Variants in ADAMTSL1 observed in about 807,000 individuals in gnomAD.
ADAMTSL1 encodes ADAMTS-like protein 1.
In ADAMTSL1, 126 loss-of-function variants were observed where a neutral mutation model predicts 201.8. That is an observed-to-expected ratio of 0.62 (90% CI 0.54 to 0.72). ADAMTSL1 has a LOEUF of 0.72. Ranked by LOEUF, ADAMTSL1 falls within the 30% of genes least tolerant of loss-of-function variation. The pLI is 0.00. For missense variants in ADAMTSL1, 2,679 were observed against 2,277.8 expected (o/e 1.18, Z -3.59); for synonymous variants, 1,121 against 903.4 (o/e 1.24, Z -4.32).
At chr9:18,445,220 C>T (rs1178699565) in intron 2 of ADAMTSL1, among the ~76,000 whole-genome samples, 5 of 152,118 alleles carry the variant, frequency 3.3e-5, no homozygotes, top group South Asian at 2.1e-4. Context: ...GTTTTGCCAC[C>T]GCTAAAAGTA....
At position 18,082,617 on chromosome 9, in the gene ADAMTSL1, G is replaced by T. The variant is rs537284747; in HGVS notation, c.88-81245G>T. On this transcript the variant is annotated intron_variant, in intron 1 of 29. Coordinates refer to the ADAMTSL1 transcript ENST00000680146. ...CTCCTCTTCAAGCCTCCCCAGACCAGATGGCTCCAGCGCTGTCCATGAATC... is the reference window on the plus strand; with the variant it reads ...CTCCTCTTCAAGCCTCCCCAGACCATATGGCTCCAGCGCTGTCCATGAATC... Among the ~76,000 whole-genome samples the T allele has an allele frequency of 4.6e-5, 7 of 152,274 alleles. No homozygotes were observed. The South Asian group carries it at 1.5e-3, about 32-fold the overall frequency.
chr9:18,346,154 T>G (rs1835704178), intron 2 of ADAMTSL1, among the ~76,000 whole-genome samples: 1 of 152,170 alleles, frequency 6.6e-6, no homozygotes, highest in African/African-American at 2.4e-5. Context: ...CACATTGATC[T>G]TAGTACTTTA....
chr9:18,780,006 C>T (rs16937061), intron 19 of ADAMTSL1, among the ~76,000 whole-genome samples: 5,522 of 152,268 alleles, frequency 0.036, 280 homozygotes, highest in African/African-American at 0.11. Flanking sequence ...AGCTGTGGAA[C>T]GAGACAGGGC....
intron 23 of ADAMTSL1, among the ~76,000 whole-genome samples, chr9:18,867,553 C>A (rs1444628097): frequency 6.6e-6 from 1 of 152,170 alleles, no homozygotes; most frequent in Non-Finnish European, 1.5e-5. Context: ...ATTCTTATTT[C>A]ATTTGTACTT....
At chr9:18,754,566 A>T (rs1819636524) in intron 16 of ADAMTSL1, among the ~76,000 whole-genome samples, 1 of 152,192 alleles carries the variant, frequency 6.6e-6, no homozygotes, top group Admixed American at 6.5e-5. Context: ...AAAAGGAGAG[A>T]GGACGACAGC....
intron 19 of ADAMTSL1, among the ~76,000 whole-genome samples, chr9:18,781,427 A>T (rs1301125335): frequency 2.0e-5 from 3 of 152,116 alleles, no homozygotes; most frequent in Non-Finnish European, 2.9e-5. Context: ...TGACATCACA[A>T]TTTTTCCATT....
At chr9:17,974,733 A>G (rs1818369087) in intron 1 of ADAMTSL1, among the ~76,000 whole-genome samples, 1 of 152,022 alleles carries the variant, frequency 6.6e-6, no homozygotes, top group African/African-American at 2.4e-5. Flanking sequence ...TTCATGATAT[A>G]TATGTGTGTA....
chr9:18,372,342 C>T (rs1459637702), intron 2 of ADAMTSL1, among the ~76,000 whole-genome samples: 5 of 152,154 alleles, frequency 3.3e-5, no homozygotes, highest in Admixed American at 3.3e-4. Flanking sequence ...TAATCGCATG[C>T]CGTGACTGGG....
At chr9:18,359,364 C>G (rs1010516698) in intron 2 of ADAMTSL1, among the ~76,000 whole-genome samples, 3 of 152,184 alleles carry the variant, frequency 2.0e-5, no homozygotes, top group Admixed American at 6.5e-5. Context: ...CACCAATCAT[C>G]TTTGAGAAAA....
chr9:18,884,220 A>T (rs186774911), intron 23 of ADAMTSL1, among the ~76,000 whole-genome samples: 2 of 152,290 alleles, frequency 1.3e-5, no homozygotes, highest in East Asian at 3.8e-4. Context: ...CTTTTGGAGA[A>T]ATGTCTGCTC....
chr9:18,901,729 A>G (rs1830029966), intron 26 of ADAMTSL1, among the ~76,000 whole-genome samples: 1 of 152,340 alleles, frequency 6.6e-6, no homozygotes, highest in East Asian at 1.9e-4. Flanking sequence ...AAAAGACAAC[A>G]TAAGTGGAGG....
At chr9:18,838,762 G>A (rs62549135) in intron 23 of ADAMTSL1, among the ~76,000 whole-genome samples, 25,926 of 151,724 alleles carry the variant, frequency 0.17, 2,324 homozygotes, top group Middle Eastern at 0.3. Context: ...GGGAGGCTGA[G>A]GTGGGAGGAT....
At chr9:17,993,266 G>A (rs1004843531) in intron 1 of ADAMTSL1, among the ~76,000 whole-genome samples, 4 of 152,146 alleles carry the variant, frequency 2.6e-5, no homozygotes, top group African/African-American at 7.2e-5. Context: ...AGGGGAAAGT[G>A]TGACATTCAT....
intron 2 of ADAMTSL1, among the ~76,000 whole-genome samples, chr9:18,338,481 C>A (rs969378282): frequency 6.6e-6 from 1 of 152,006 alleles, no homozygotes; most frequent in Admixed American, 6.6e-5. Flanking sequence ...AAGTTCTCAC[C>A]CTGTCCCCAG....
chr9:18,179,451 T>C (rs896102829), intron 2 of ADAMTSL1, among the ~76,000 whole-genome samples: 9 of 152,186 alleles, frequency 5.9e-5, no homozygotes, highest in Non-Finnish European at 1.2e-4. Context: ...GAAAACACTC[T>C]GCAGGATATT....
rs989640783 is a variant in ADAMTSL1 at position 18,850,570 on chromosome 9, A to C, written c.4249+20593A>C. Among the ~76,000 whole-genome samples the C allele has an allele frequency of 3.3e-5, 5 of 152,224 alleles. No homozygotes were observed. In the East Asian group the frequency reaches 7.7e-4, roughly 23 times the overall value. On this transcript the variant is annotated intron_variant, in intron 23 of 28. Transcript: ENST00000380548. ...GCCAACTTTGTAGGAGACAGAGGAC[A>C]GGGCACCTCAGTCAGAAAAGCTGTT...
intron 1 of ADAMTSL1, among the ~76,000 whole-genome samples, chr9:18,146,922 T>C (rs376927500): frequency 3.3e-5 from 5 of 152,294 alleles, no homozygotes; most frequent in African/African-American, 9.6e-5. Flanking sequence ...ATTCATTCTG[T>C]CCCACATTTC....
At chr9:18,844,785 T>C (rs994119858) in intron 23 of ADAMTSL1, among the ~76,000 whole-genome samples, 1 of 152,208 alleles carries the variant, frequency 6.6e-6, no homozygotes, top group African/African-American at 2.4e-5. Flanking sequence ...TGCAGTTTGA[T>C]CTCAGACTGC....
chr9:18,120,246 C>T (rs1031448908), intron 1 of ADAMTSL1, among the ~76,000 whole-genome samples: 1 of 152,208 alleles, frequency 6.6e-6, no homozygotes, highest in Non-Finnish European at 1.5e-5. Flanking sequence ...CATGAGACTG[C>T]TCTCAACATG....
Sources: gnomAD v4.1 joint callset for allele counts (sites outside exome capture counted in the v4.1 genomes callset) on GRCh38, gnomAD v4.1.1 for gene constraint, MANE v1.5 for transcripts, NCBI Gene and HGNC (gene_info 2026-07-23, HGNC 2026-07-21) for gene names.